The following EPB41L4B variants were observed in gnomAD, a reference collection of about 807,000 sequenced individuals.
EPB41L4B encodes erythrocyte membrane protein band 4.1 like 4B, also known as band 4.1-like protein 4B.
Under a neutral mutation model 112.5 loss-of-function variants are expected in EPB41L4B, and 30 were observed. The observed-to-expected ratio is 0.27, with a 90% CI of 0.20 to 0.36. The LOEUF (loss-of-function observed/expected upper bound fraction) is 0.36. Ranked by LOEUF, EPB41L4B falls within the 10% of genes least tolerant of loss-of-function variation. The probability of loss-of-function intolerance (pLI) is 1.00; values close to 1 mark genes in which losing one functional copy is unlikely to be tolerated. For synonymous variants in EPB41L4B, 408 were observed against 439.7 expected, an observed-to-expected ratio of 0.93 and a Z score of 0.90; for missense variants, 1,024 against 1,133.3, an observed-to-expected ratio of 0.90 and a Z score of 1.38.
rs1831742234 is a variant in EPB41L4B at position 109,174,559 on chromosome 9, G to C, written c.2698C>G (p.Leu900Val). The C allele has an allele frequency of 6.2e-7, 1 of 1,613,840 alleles. No individual in the cohort carries two copies. The highest frequency in any genetic ancestry group is 1.7e-5 in the Admixed American group (1 of 60,000). Reference protein sequence around the residue: ...KMMKRLLMTEL With the variant: ...KMMKRLLMTEV ...CAGGTGACAAGGGGAGAATTTCACA[G>C]TTCGGTCATCAACAGTCTTTTCATC... The change falls in exon 26 of 26, where the codon CTG (leucine) becomes GTG (valine). Residue 900 changes from leucine (L) to valine (V), a missense_variant. Physicochemically the swap from Leu to Val is conservative, Grantham distance 32. Transcript: ENST00000374566.
intron 11 of EPB41L4B, among the ~76,000 whole-genome samples, chr9:109,254,328 C>T (rs1834902219): frequency 6.6e-6 from 1 of 152,224 alleles, no homozygotes; most frequent in Admixed American, 6.5e-5. Context: ...ACCTCTGCAT[C>T]CTCCACAGGA....
At chr9:109,193,401 G>A (rs1415886444) in intron 21 of EPB41L4B, among the ~76,000 whole-genome samples, 5 of 152,210 alleles carry the variant, frequency 3.3e-5, no homozygotes, top group Non-Finnish European at 5.9e-5. Flanking sequence ...TGAACCTGAC[G>A]CCAGCCAGGG....
rs768062137 is a variant in EPB41L4B, at chr9:109,174,528, A to G, written c.*26T>C. 1 of 1,599,746 alleles carries G rather than the reference A, an allele frequency of 6.3e-7. No individual in the cohort carries two copies. Among genetic ancestry groups the G allele is most frequent in the Non-Finnish European group, 8.6e-7 (1 of 1,166,824 alleles). ...GAAGACGGACAGAAGGCACCATGCC[A>G]TCTTCCAGGTGACAAGGGGAGAATT... is the stretch of plus-strand genomic sequence containing the variant. On this transcript the variant is annotated 3_prime_UTR_variant, in exon 26 of 26. Coordinates refer to ENST00000374566, the MANE Select transcript of EPB41L4B (RefSeq NM_019114.5).
intron 15 of EPB41L4B, 91 bp from the exon 16 acceptor site, chr9:109,217,236 A>T: frequency 9.2e-7 from 1 of 1,085,932 alleles, no homozygotes; most frequent in Admixed American, 1.9e-5. Flanking sequence ...GGCATTAAAC[A>T]CTGAAAGAAA....
intron 1 of EPB41L4B, among the ~76,000 whole-genome samples, chr9:109,301,698 T>A (rs117291680): frequency 2.6e-5 from 4 of 152,358 alleles, no homozygotes; most frequent in Admixed American, 6.5e-5. Context: ...GCTAATCTCA[T>A]GTAGACACAT....
In EPB41L4B at chr9:109,222,566, T is replaced by G. The variant is rs541112418; in HGVS notation, c.1410-5421A>C. 1.1e-4 allele frequency among the ~76,000 whole-genome samples: 16 copies of G among 152,284 alleles called. No individual in the cohort carries two copies. The South Asian group carries it at 2.7e-3, about 26-fold the overall frequency. On this transcript the variant is annotated intron_variant, in intron 15 of 25. Coordinates refer to ENST00000374566, the MANE Select transcript of EPB41L4B (RefSeq NM_019114.5). ...TCCAGCAGTACTCAGAGACCTTGGC[T>G]AAGGCCCAGGAGATGAGGCCTGCTG...
intron 18 of EPB41L4B, among the ~76,000 whole-genome samples, chr9:109,204,535 A>G (rs1218444883): frequency 1.3e-5 from 2 of 152,182 alleles, no homozygotes; most frequent in Non-Finnish European, 2.9e-5. Context: ...TCTGTTGCCC[A>G]GGCTGGAGTG....
chr9:109,200,453 C>A, intron 19 of EPB41L4B, 119 bp from the exon 20 acceptor site: 1 of 653,252 alleles, frequency 1.5e-6, no homozygotes, highest in Non-Finnish European at 2.6e-6. Context: ...GTCAAGAAAT[C>A]CATTTTTTTT....
intron 22 of EPB41L4B, among the ~76,000 whole-genome samples, chr9:109,187,147 C>G (rs1162014724): frequency 6.6e-6 from 1 of 152,134 alleles, no homozygotes; most frequent in Non-Finnish European, 1.5e-5. Context: ...CAAATATACA[C>G]GTCTTTTATC....
intron 5 of EPB41L4B, among the ~76,000 whole-genome samples, chr9:109,263,369 GAA>G (rs1420913124): frequency 6.6e-6 from 1 of 152,208 alleles, no homozygotes; most frequent in East Asian, 1.9e-4. Context: ...GGCAAGAATG[GAA>G]AAGTTTGGAA....
chr9:109,220,669 G>T (rs2118854081), intron 15 of EPB41L4B, among the ~76,000 whole-genome samples: 1 of 152,262 alleles, frequency 6.6e-6, no homozygotes, highest in South Asian at 2.1e-4. Context: ...CCCCTACATT[G>T]CCCCATGAGC....
intron 24 of EPB41L4B, among the ~76,000 whole-genome samples, chr9:109,177,987 A>G (rs1031599520): frequency 1.3e-5 from 2 of 151,844 alleles, no homozygotes; most frequent in Non-Finnish European, 2.9e-5. Flanking sequence ...TGGCACAATG[A>G]GAGCTCGCTG....
chr9:109,243,536 T>A, intron 15 of EPB41L4B, 82 bp downstream of exon 15: 1 of 1,331,298 alleles, frequency 7.5e-7, no homozygotes, highest in Non-Finnish European at 1.1e-6. Context: ...GCAGACTTTC[T>A]ACTCCTAACT....
intron 1 of EPB41L4B, among the ~76,000 whole-genome samples, chr9:109,308,506 A>G (rs900364086): frequency 2.6e-5 from 4 of 152,242 alleles, no homozygotes; most frequent in Non-Finnish European, 5.9e-5. Flanking sequence ...TAGAATATCT[A>G]TCAAATGCAA....
chr9:109,262,983 G>T, intron 6 of EPB41L4B, 67 bp downstream of exon 6: 1 of 1,097,038 alleles, frequency 9.1e-7, no homozygotes, highest in South Asian at 1.4e-5. Context: ...GTATACTGTG[G>T]ACACTCATTT....
chr9:109,296,884 A>AG (rs2119201250), intron 1 of EPB41L4B, among the ~76,000 whole-genome samples: 1 of 151,912 alleles, frequency 6.6e-6, no homozygotes, highest in African/African-American at 2.4e-5. Context: ...AAAAAAAAAA[A>AG]AAAAAATGAG....
At chr9:109,249,569 G>A (rs1265964814) in intron 13 of EPB41L4B, among the ~76,000 whole-genome samples, 2 of 151,332 alleles carry the variant, frequency 1.3e-5, no homozygotes, top group African/African-American at 4.9e-5. Context: ...ATGCTGGGAG[G>A]AAAATGTAAT....
rs543042177 is a variant in EPB41L4B, at chr9:109,176,607, G to A, written c.2577C>T (p.Thr859=). The A allele has an allele frequency of 3.4e-5, 55 of 1,614,054 alleles. 2 individuals are homozygous for A. The highest frequency in any genetic ancestry group is 2.2e-4 in the Admixed American group (13 of 59,994). Residue 859 remains threonine, a synonymous_variant, in exon 25 of 26, where the codon ACC becomes ACT. Coordinates refer to ENST00000374566, the MANE Select transcript of EPB41L4B (RefSeq NM_019114.5). Reference sequence around the variant, plus strand: ...TGTAAATGGTCTGCACTGTGGAGACGGTCTCTGTCAAAGGCCTCAGGGTCG... The same window carrying A: ...TGTAAATGGTCTGCACTGTGGAGACAGTCTCTGTCAAAGGCCTCAGGGTCG... The part of the protein sequence containing the change: ...PAATLRPLTE[T]VSTVQTIYTT...
intron 24 of EPB41L4B, among the ~76,000 whole-genome samples, chr9:109,178,098 C>T (rs896350654): frequency 2.6e-5 from 4 of 151,660 alleles, no homozygotes; most frequent in Non-Finnish European, 5.9e-5. Flanking sequence ...TTTAATCTTT[C>T]GTGGAAACAG....
Sources: allele counts gnomAD v4.1 joint callset (sites outside exome capture counted in the v4.1 genomes callset), GRCh38; gene constraint gnomAD v4.1.1; transcripts MANE v1.5; gene names NCBI Gene and HGNC (gene_info 2026-07-23, HGNC 2026-07-21).